The following BBS4 variants were observed in gnomAD, a reference collection of about 807,000 sequenced individuals.
The protein encoded by BBS4 is BBSome complex member BBS4.
A neutral mutation model predicts 71.4 loss-of-function variants in BBS4; 58 were observed. That is an observed-to-expected ratio of 0.81 (90% CI 0.66 to 1.01). The LOEUF (loss-of-function observed/expected upper bound fraction) is 1.01, where lower values mean the gene tolerates loss of function less well. Among genes scored for constraint, BBS4 ranks in the 50% least tolerant of loss-of-function variants. The pLI, the probability that BBS4 is intolerant of heterozygous loss-of-function variation, is 0.00. For missense variants in BBS4, 660 were observed against 607.9 expected (o/e 1.09, Z -0.90); for synonymous variants, 228 against 216.8 (o/e 1.05, Z -0.46).
At chr15:72,698,520 C>T (rs1346898380) in intron 2 of BBS4, among the ~76,000 whole-genome samples, 1 of 152,154 alleles carries the variant, frequency 6.6e-6, no homozygotes, top group African/African-American at 2.4e-5. Flanking sequence ...TTATTCCACT[C>T]AGCATTTTCA....
At chr15:72,695,349 A>G in intron 2 of BBS4, 121 bp downstream of exon 2, 1 of 644,396 alleles carries the variant, frequency 1.6e-6, no homozygotes. Flanking sequence ...GTGCAGTAGC[A>G]CAATCTTGGC....
At chr15:72,691,291 A>G (rs1039467326) in intron 1 of BBS4, among the ~76,000 whole-genome samples, 1 of 152,138 alleles carries the variant, frequency 6.6e-6, no homozygotes, top group Non-Finnish European at 1.5e-5. Flanking sequence ...AATATATCCT[A>G]CCTGTAAAAG....
chr15:72,719,477 C>T (rs1200243890), intron 6 of BBS4, among the ~76,000 whole-genome samples: 1 of 151,524 alleles, frequency 6.6e-6, no homozygotes, highest in African/African-American at 2.4e-5. Flanking sequence ...AAGCTCCTGT[C>T]CTCAAGTGAT....
chr15:72,729,789 C>A lies in BBS4; in HGVS notation c.711+105C>A. ...AGGAATAGCTTCTTAAATTTGGATA[C>A]CTGAGAAATAGAAAAAATATAAATA... On this transcript the variant is annotated intron_variant, in intron 10 of 15. Transcript: ENST00000268057. 23 of 943,410 alleles carry A rather than the reference C, an allele frequency of 2.4e-5. No individual in the cohort carries two copies. The South Asian group carries it at 2.9e-4, about 12-fold the overall frequency. The allele number at this position is 943,410 out of a possible 1,614,324, so 58.4% of individuals were successfully genotyped here. A position where few individuals can be genotyped will look rare whatever the true frequency, so the allele number is the denominator to read the frequency against.
chr15:72,737,763 G>T lies in BBS4; in HGVS notation c.*176G>T, dbSNP rs1236591175. The T allele has an allele frequency of 1.5e-6, 1 of 649,036 alleles. No homozygotes were observed. The highest frequency in any genetic ancestry group is 2.8e-6 in the Non-Finnish European group (1 of 354,492). 40.2% of individuals were successfully genotyped at this position (649,036 alleles called of 1,614,324 possible). On this transcript the variant is annotated 3_prime_UTR_variant, in exon 16 of 16. Transcript: ENST00000268057. ...TTCTACCTACCTGGTATTGGCATTT[G>T]AGGTCGGAAACCCTCTACTGCCCCA... is the stretch of plus-strand genomic sequence containing the variant.
Position 72,686,217 on chromosome 15 carries a change from G to T in BBS4, c.-11G>T. On this transcript the variant is annotated 5_prime_UTR_variant, in exon 1 of 16. Transcript: ENST00000268057. ...CCGACTTCCGGCCGCGCAGCGGTGG[G>T]CTGAGCTAAAATGGCTGAGGAGAGA... is the stretch of plus-strand genomic sequence containing the variant. 2 of 1,560,856 alleles carry T rather than the reference G, an allele frequency of 1.3e-6. No homozygotes were observed. Among genetic ancestry groups the T allele is most frequent in the African/African-American group, 1.4e-5 (1 of 73,812 alleles).
Position 72,736,779 on chromosome 15 carries a change from G to A in BBS4, c.1266G>A (p.Gln422=), listed in dbSNP as rs139539062. 6.2e-7 allele frequency: 1 copy of A among 1,614,236 alleles called. No individual in the cohort carries two copies. Among genetic ancestry groups the A allele is most frequent in the Non-Finnish European group, 8.5e-7 (1 of 1,180,034 alleles). Residue 422 remains glutamine, a synonymous_variant, in exon 15 of 16, where the codon CAG becomes CAA. Coordinates refer to ENST00000268057, the MANE Select transcript of BBS4 (RefSeq NM_033028.5). ...EFDSEMVEMA[Q]KLGAALQVGE... is the part of the protein sequence containing the mutation. ...GACACAAGATGGTGGAGATGGCTCA[G>A]AAGTTGGGAGCTGCTCTCCAGGTTG... is the stretch of plus-strand genomic sequence containing the variant.
intron 5 of BBS4, among the ~76,000 whole-genome samples, chr15:72,715,936 T>C (rs2065461346): frequency 2.0e-5 from 3 of 152,214 alleles, no homozygotes; most frequent in Non-Finnish European, 4.4e-5. Context: ...CATGAGATAT[T>C]CAGCATTTTA....
At chr15:72,729,782 T>C (rs2065776465) in intron 10 of BBS4, 98 bp downstream of exon 10, 1 of 1,020,850 alleles carries the variant, frequency 9.8e-7, no homozygotes, top group African/African-American at 1.6e-5. Flanking sequence ...CTTCTTAAAT[T>C]TGGATACCTG....
At chr15:72,695,557 G>C (rs1479562626) in intron 2 of BBS4, among the ~76,000 whole-genome samples, 2 of 152,172 alleles carry the variant, frequency 1.3e-5, no homozygotes, top group African/African-American at 4.8e-5. Context: ...AAAGTGTTGG[G>C]ATTACAGGCG....
intron 12 of BBS4, among the ~76,000 whole-genome samples, chr15:72,732,879 GGTTAACCAGGTTGGGGATTGGC>G (rs2065852441): frequency 6.6e-6 from 1 of 152,216 alleles, no homozygotes; most frequent in Non-Finnish European, 1.5e-5. Context: ...CGGGAAAGCA[GGTTAACCAGGTTGGGGATTGGC>G]CAGTTTGAAT....
At chr15:72,697,168 A>G (rs752477181) in intron 2 of BBS4, among the ~76,000 whole-genome samples, 1 of 152,150 alleles carries the variant, frequency 6.6e-6, no homozygotes, top group South Asian at 2.1e-4. Flanking sequence ...CCTGACCTCA[A>G]GTGATCCACC....
intron 13 of BBS4, chr15:72,735,599 G>C (rs1369057800): frequency 3.2e-6 from 2 of 621,880 alleles, no homozygotes; most frequent in African/African-American, 3.7e-5. Flanking sequence ...AGTCTCTGTT[G>C]AGGGCTGAGA....
intron 1 of BBS4, among the ~76,000 whole-genome samples, chr15:72,689,516 T>G (rs576867078): frequency 6.6e-6 from 1 of 152,252 alleles, no homozygotes; most frequent in East Asian, 1.9e-4. Context: ...GAGGATAACT[T>G]GAGTCCAGAG....
At chr15:72,719,904 C>T (rs1359768338) in intron 6 of BBS4, among the ~76,000 whole-genome samples, 3 of 151,900 alleles carry the variant, frequency 2.0e-5, no homozygotes, top group African/African-American at 7.3e-5. Flanking sequence ...GCACCCGCCA[C>T]CATGCCCAGC....
intron 7 of BBS4, among the ~76,000 whole-genome samples, chr15:72,723,477 C>T (rs1055368488): frequency 1.1e-4 from 17 of 152,078 alleles, no homozygotes; most frequent in Admixed American, 4.6e-4. Context: ...GTGATGAGAG[C>T]GTTGGGTAGT....
chr15:72,734,155 T>C (rs758027489), intron 12 of BBS4, among the ~76,000 whole-genome samples: 37 of 152,254 alleles, frequency 2.4e-4, no homozygotes, highest in Non-Finnish European at 3.5e-4. Context: ...TCCTGGATAT[T>C]AGACCTGCAT....
At chr15:72,735,801 C>T (rs1290730290) in intron 13 of BBS4, 24 bp from the exon 14 acceptor site, 2 of 1,613,938 alleles carry the variant, frequency 1.2e-6, no homozygotes, top group African/African-American at 2.7e-5. Flanking sequence ...GCCCCCAGCT[C>T]CATAGAATCT....
At chr15:72,706,623 G>T (rs910827939) in intron 2 of BBS4, among the ~76,000 whole-genome samples, 1 of 152,170 alleles carries the variant, frequency 6.6e-6, no homozygotes, top group African/African-American at 2.4e-5. Flanking sequence ...AGTCTTAGAA[G>T]AATTTCAGAT....
Sources: allele counts gnomAD v4.1 joint callset (sites outside exome capture counted in the v4.1 genomes callset), GRCh38; gene constraint gnomAD v4.1.1; transcripts MANE v1.5; gene names NCBI Gene and HGNC (gene_info 2026-07-23, HGNC 2026-07-21).